L3MBTL3: variants seen among roughly 807,000 people sequenced by gnomAD.
L3MBTL3 encodes the protein lethal(3)malignant brain tumor-like protein 3.
Under a neutral mutation model 102.3 loss-of-function variants are expected in L3MBTL3, and 27 were observed. That is an observed-to-expected ratio of 0.26 (90% confidence interval 0.19 to 0.36). L3MBTL3 has a LOEUF of 0.36. Among genes scored for constraint, L3MBTL3 ranks in the 10% least tolerant of loss-of-function variants. The probability of loss-of-function intolerance (pLI) is 1.00; values close to 1 mark genes in which losing one functional copy is unlikely to be tolerated. For synonymous variants in L3MBTL3, 340 were observed against 320.9 expected (o/e 1.06, Z -0.64); for missense variants, 798 against 955.3 (o/e 0.84, Z 2.17).
In L3MBTL3 at chr6:130,090,862, C is replaced by T. The variant is rs541776016; in HGVS notation, c.1519-1883C>T. Among the ~76,000 whole-genome samples the T allele has an allele frequency of 4.6e-5, 7 of 152,254 alleles. No individual in the cohort carries two copies. In the South Asian group the frequency reaches 1.5e-3, roughly 32 times the overall value. On this transcript the variant is annotated intron_variant, in intron 16 of 22. Transcript: ENST00000361794. ...TTGGCCTCCCAAAGTGCTGGGATTA[C>T]AGGCATGAACCACTGAGCCTGGCCT...
chr6:130,027,921 T>G (rs1291370611), intron 2 of L3MBTL3, among the ~76,000 whole-genome samples: 1 of 152,120 alleles, frequency 6.6e-6, no homozygotes, highest in Non-Finnish European at 1.5e-5. Context: ...AGTATGTTGA[T>G]GATATGCTAG....
chr6:130,051,826 C>T (rs894364795), intron 6 of L3MBTL3, among the ~76,000 whole-genome samples: 3 of 152,254 alleles, frequency 2.0e-5, no homozygotes, highest in South Asian at 2.1e-4. Context: ...TCCACTGATT[C>T]GTAATCAGCT....
rs147624431 is a variant in L3MBTL3, at chr6:130,030,913, C to A, written c.-16+8608C>A. On this transcript the variant is annotated intron_variant, in intron 2 of 22. Transcript: ENST00000361794. Reference sequence around the variant, plus strand: ...CAAATAGGCTGATATTGATAATATCCTTTAAAATGACAAAGCATTGAAGAA... The same window carrying A: ...CAAATAGGCTGATATTGATAATATCATTTAAAATGACAAAGCATTGAAGAA... 3.5e-4 allele frequency among the ~76,000 whole-genome samples: 54 copies of A among 152,204 alleles called. 1 individual carries two copies. Among genetic ancestry groups the A allele is most frequent in the African/African-American group, 1.3e-3 (52 of 41,518 alleles).
intron 19 of L3MBTL3, among the ~76,000 whole-genome samples, chr6:130,119,933 C>T: frequency 6.6e-6 from 1 of 152,166 alleles, no homozygotes; most frequent in Admixed American, 6.5e-5. Flanking sequence ...AACTATAGAA[C>T]TCCTTTTATA....
intron 18 of L3MBTL3, among the ~76,000 whole-genome samples, chr6:130,103,273 T>C (rs1784806093): frequency 6.6e-6 from 1 of 152,242 alleles, no homozygotes; most frequent in Non-Finnish European, 1.5e-5. Context: ...GTTATTTGCT[T>C]TCTTCTTTTG....
chr6:130,053,489 G>A (rs186899775), intron 7 of L3MBTL3, among the ~76,000 whole-genome samples: 9 of 152,172 alleles, frequency 5.9e-5, no homozygotes, highest in Non-Finnish European at 1.0e-4. Context: ...CAAAAAATTA[G>A]GTAGGCGTGG....
At chr6:130,097,049 T>C (rs1784402124) in intron 18 of L3MBTL3, among the ~76,000 whole-genome samples, 1 of 152,318 alleles carries the variant, frequency 6.6e-6, no homozygotes, top group South Asian at 2.1e-4. Flanking sequence ...GGTCCCAGTT[T>C]CTGCCCAAGT....
chr6:130,056,920 A>G (rs1781546366), intron 8 of L3MBTL3, among the ~76,000 whole-genome samples: 2 of 152,130 alleles, frequency 1.3e-5, no homozygotes, highest in Admixed American at 6.5e-5. Flanking sequence ...AATATATAAA[A>G]CTAATATTAA....
intron 3 of L3MBTL3, 53 bp downstream of exon 3, chr6:130,042,854 T>C (rs1780510352): frequency 3.5e-6 from 4 of 1,153,572 alleles, no homozygotes; most frequent in East Asian, 2.4e-5. Flanking sequence ...GTGCGTATGC[T>C]TACTTAAAAT....
chr6:130,139,546 G>A, intron 22 of L3MBTL3, 64 bp from the exon 23 acceptor site: 1 of 1,475,938 alleles, frequency 6.8e-7, no homozygotes, highest in Non-Finnish European at 9.4e-7. Context: ...ATTTAACCTT[G>A]AATATTTTCT....
chr6:130,120,727 T>A (rs1786101600), intron 19 of L3MBTL3, 152 bp from the exon 20 acceptor site: 1 of 563,928 alleles, frequency 1.8e-6, no homozygotes, highest in Admixed American at 3.5e-5. Context: ...TGTTATTAAT[T>A]AATTGCCTTG....
At chr6:130,033,953 A>G (rs150696891) in intron 2 of L3MBTL3, among the ~76,000 whole-genome samples, 248 of 152,248 alleles carry the variant, frequency 1.6e-3, no homozygotes, top group African/African-American at 5.6e-3. Flanking sequence ...TTCTTCCCTT[A>G]TTTGCAGGTG....
At chr6:130,018,788 C>G (rs1394399833) in intron 1 of L3MBTL3, 124 bp downstream of exon 1, 2 of 152,174 alleles carry the variant, frequency 1.3e-5, no homozygotes, top group African/African-American at 4.8e-5. Flanking sequence ...AGGAAGCGCA[C>G]CCTCGTCTTG....
chr6:130,044,294 A>AT (rs1334195068), intron 3 of L3MBTL3, among the ~76,000 whole-genome samples: 1 of 151,916 alleles, frequency 6.6e-6, no homozygotes, highest in African/African-American at 2.4e-5. Context: ...AACAAATTGT[A>AT]TTTTTTCTGG....
intron 10 of L3MBTL3, among the ~76,000 whole-genome samples, chr6:130,060,397 C>T (rs766569536): frequency 2.5e-4 from 38 of 151,628 alleles, no homozygotes; most frequent in Non-Finnish European, 4.0e-4. Context: ...TGGTAGAACC[C>T]GGATTTGAAC....
intron 15 of L3MBTL3, 150 bp from the exon 16 acceptor site, chr6:130,085,990 T>C (rs984875273): frequency 7.1e-5 from 39 of 549,422 alleles, no homozygotes; most frequent in Middle Eastern, 3.6e-4. Flanking sequence ...TGGCCTCAAG[T>C]GATCCGCCCG....
intron 3 of L3MBTL3, among the ~76,000 whole-genome samples, chr6:130,047,968 C>T (rs1047886821): frequency 6.6e-5 from 10 of 152,162 alleles, no homozygotes; most frequent in African/African-American, 2.4e-4. Flanking sequence ...ATCTGGAATA[C>T]ATAGTAGGGT....
chr6:130,108,539 T>C (rs986360107), intron 19 of L3MBTL3, among the ~76,000 whole-genome samples: 1 of 152,090 alleles, frequency 6.6e-6, no homozygotes, highest in Admixed American at 6.5e-5. Context: ...GGCCAAATGT[T>C]AGTTTTTATT....
chr6:130,087,892 A>G (rs1783789564), intron 16 of L3MBTL3, among the ~76,000 whole-genome samples: 1 of 152,228 alleles, frequency 6.6e-6, no homozygotes, highest in African/African-American at 2.4e-5. Context: ...AAAGAATCAT[A>G]CCAAAGTAAT....
Sources: gnomAD v4.1 joint callset for allele counts (sites outside exome capture counted in the v4.1 genomes callset) on GRCh38, gnomAD v4.1.1 for gene constraint, MANE v1.5 for transcripts, NCBI Gene and HGNC (gene_info 2026-07-23, HGNC 2026-07-21) for gene names.